Variants in UBN2 observed in about 807,000 individuals in gnomAD.
UBN2 encodes ubinuclein 2, also known as ubinuclein-2.
Under a neutral mutation model 120.2 loss-of-function variants are expected in UBN2, and 35 were observed. The ratio of observed to expected loss-of-function variants is 0.29; its 90% CI spans 0.22 to 0.39. The LOEUF (loss-of-function observed/expected upper bound fraction) is 0.39. Among genes scored for constraint, UBN2 ranks in the 10% least tolerant of loss-of-function variants. The pLI is 1.00. For missense variants in UBN2, 1,693 were observed against 1,663.2 expected, an observed-to-expected ratio of 1.02 and a Z score of -0.31; for synonymous variants, 661 against 648.7, an observed-to-expected ratio of 1.02 and a Z score of -0.29.
intron 3 of UBN2, among the ~76,000 whole-genome samples, chr7:139,254,482 T>G (rs1796707187): frequency 6.6e-6 from 1 of 152,212 alleles, no homozygotes; most frequent in Admixed American, 6.5e-5. Context: ...GATTTGTAAC[T>G]TGGTGCAGAA....
At chr7:139,310,687 C>T (rs1405175279), downstream of UBN2, among the ~76,000 whole-genome samples, 1 of 152,170 alleles carries the variant, frequency 6.6e-6, no homozygotes, top group South Asian at 2.1e-4. Context: ...GCAGGAGAAT[C>T]GCTTGCACCT....
Position 139,251,938 on chromosome 7 carries a change from T to C in UBN2, c.562-18T>C, listed in dbSNP as rs377503320. 1.9e-4 allele frequency: 298 copies of C among 1,607,030 alleles called. No homozygotes were observed. Among genetic ancestry groups the C allele is most frequent in the Admixed American group, 2.3e-4 (14 of 59,978 alleles). On this transcript the variant is annotated intron_variant, in intron 2 of 17. Coordinates refer to ENST00000473989, the MANE Select transcript of UBN2 (RefSeq NM_173569.4). ...CAGCATGAGTACCAAATCAGTCTAATGTATCTGTTCTTTGCAGGGTGGGAA... is the reference window on the plus strand; with the variant it reads ...CAGCATGAGTACCAAATCAGTCTAACGTATCTGTTCTTTGCAGGGTGGGAA...
At chr7:139,319,739 C>T in the UBN2 span, among the ~76,000 whole-genome samples, 1 of 152,106 alleles carries the variant, frequency 6.6e-6, no homozygotes. Flanking sequence ...TCCCTGTTAG[C>T]TCAGTCATGC....
chr7:139,282,939 A>G, intron 14 of UBN2, 85 bp from the exon 15 acceptor site: 1 of 1,166,494 alleles, frequency 8.6e-7, no homozygotes, highest in Non-Finnish European at 1.2e-6. Context: ...TGTAATTGTC[A>G]TGAGAATCTT....
At chr7:139,272,220 C>T (rs1797297463) in intron 8 of UBN2, 102 bp from the exon 9 acceptor site, 1 of 765,776 alleles carries the variant, frequency 1.3e-6, no homozygotes, top group Non-Finnish European at 2.1e-6. Flanking sequence ...TATTTCAAAT[C>T]TATAATTGGT....
At chr7:139,289,992 C>T (rs1797905599) in intron 15 of UBN2, among the ~76,000 whole-genome samples, 1 of 152,144 alleles carries the variant, frequency 6.6e-6, no homozygotes, top group Non-Finnish European at 1.5e-5. Flanking sequence ...CTCCCAGGTT[C>T]AAGCGGTTCT....
chr7:139,295,896 G>A (rs1428203037), intron 17 of UBN2, among the ~76,000 whole-genome samples: 1 of 152,130 alleles, frequency 6.6e-6, no homozygotes, highest in Non-Finnish European at 1.5e-5. Context: ...ACTCCAGTCT[G>A]GGTGACAGAG....
chr7:139,296,418 T>C lies in UBN2; in HGVS notation c.3995-1369T>C, dbSNP rs1019402165. ...CTATGGGCTGTAGTTTGCCAAACCC[T>C]GGTCAAATTTGTTCCTTTTCACCTG... On this transcript the variant is annotated intron_variant, in intron 17 of 17. Coordinates refer to ENST00000473989, the MANE Select transcript of UBN2 (RefSeq NM_173569.4). 3.3e-5 allele frequency among the ~76,000 whole-genome samples: 5 copies of C among 152,234 alleles called. No homozygotes were observed. The East Asian group carries it at 7.7e-4, about 23-fold the overall frequency.
downstream of UBN2, among the ~76,000 whole-genome samples, chr7:139,312,362 T>G (rs1377935496): frequency 1.3e-5 from 2 of 152,232 alleles, no homozygotes; most frequent in African/African-American, 4.8e-5. Context: ...TGCGTACATT[T>G]AGGGTGTTGC....
intron 2 of UBN2, among the ~76,000 whole-genome samples, chr7:139,238,154 C>T (rs1422964047): frequency 6.6e-6 from 1 of 152,138 alleles, no homozygotes; most frequent in East Asian, 1.9e-4. Context: ...CAACACCTTA[C>T]CCCTCTGATT....
chr7:139,279,047 G>A (rs1387182228), intron 12 of UBN2, among the ~76,000 whole-genome samples: 2 of 151,516 alleles, frequency 1.3e-5, no homozygotes, highest in African/African-American at 2.4e-5. Context: ...TTTTTTGGGG[G>A]GGCTATTTTA....
intron 1 of UBN2, among the ~76,000 whole-genome samples, chr7:139,232,367 C>T (rs1430885993): frequency 1.3e-5 from 2 of 152,190 alleles, no homozygotes. Flanking sequence ...GGGGGACACG[C>T]CCCCCAGTCT....
rs1381425842 is a variant in UBN2 at position 139,283,668 on chromosome 7, T to C, written c.2763T>C (p.Ser921=). The stretch of plus-strand genomic sequence containing the variant: ...GAACATCCGAGGCCCAAGATGCTTC[T>C]TCGTTAACACAAGTAACAAAGGTGC... ...ALGTSEAQDA[S]SLTQVTKVHQ... is the part of the protein sequence containing the mutation. Residue 921 remains serine, a synonymous_variant, in exon 15 of 18, where the codon TCT becomes TCC. Transcript: ENST00000473989. The C allele has an allele frequency of 6.2e-7, 1 of 1,614,050 alleles. No homozygotes were observed. The highest frequency in any genetic ancestry group is 8.5e-7 in the Non-Finnish European group (1 of 1,180,038).
At chr7:139,251,096 C>A (rs1323156802) in intron 2 of UBN2, among the ~76,000 whole-genome samples, 1 of 151,956 alleles carries the variant, frequency 6.6e-6, no homozygotes, top group Non-Finnish European at 1.5e-5. Context: ...CAGAGTGAGA[C>A]CCTATCTCAA....
intron 2 of UBN2, among the ~76,000 whole-genome samples, chr7:139,245,294 A>G (rs574699871): frequency 2.8e-4 from 42 of 152,188 alleles, no homozygotes; most frequent in Middle Eastern, 6.8e-3. Flanking sequence ...GATAGTTTGT[A>G]TAATTTACAC....
the UBN2 span, among the ~76,000 whole-genome samples, chr7:139,321,665 G>GA: frequency 0.18 from 28,111 of 152,114 alleles, 2,874 homozygotes; most frequent in Admixed American, 0.32. Flanking sequence ...GCCTCTGGGG[G>GA]ACAGCAGGTG....
At chr7:139,274,475 T>C (rs1797382060) in intron 11 of UBN2, among the ~76,000 whole-genome samples, 1 of 152,002 alleles carries the variant, frequency 6.6e-6, no homozygotes, top group South Asian at 2.1e-4. Flanking sequence ...AAATAGTCAG[T>C]GTAGAGGCCA....
the UBN2 span, among the ~76,000 whole-genome samples, chr7:139,325,321 G>A: frequency 7.3e-6 from 1 of 136,528 alleles, no homozygotes; most frequent in East Asian, 2.2e-4. Flanking sequence ...AGGCTGGAGT[G>A]CAATGGTGCG....
chr7:139,241,316 C>T (rs1274515386), intron 2 of UBN2, among the ~76,000 whole-genome samples: 1 of 152,210 alleles, frequency 6.6e-6, no homozygotes, highest in East Asian at 1.9e-4. Context: ...AAGCACCTAA[C>T]ACAATACCTT....
Sources: gnomAD v4.1 joint callset for allele counts (sites outside exome capture counted in the v4.1 genomes callset) on GRCh38, gnomAD v4.1.1 for gene constraint, MANE v1.5 for transcripts, NCBI Gene and HGNC (gene_info 2026-07-23, HGNC 2026-07-21) for gene names.